The following USP40 variants were observed in gnomAD, a reference collection of about 807,000 sequenced individuals.
The protein encoded by USP40 is ubiquitin specific peptidase 40, also known as ubiquitin carboxyl-terminal hydrolase 40.
USP40 carries 143 observed loss-of-function variants against 166.2 expected under a neutral mutation model. The ratio of observed to expected loss-of-function variants is 0.86; its 90% CI spans 0.75 to 0.99. The LOEUF (loss-of-function observed/expected upper bound fraction) is 0.99. Among genes scored for constraint, USP40 ranks in the 50% least tolerant of loss-of-function variants. The pLI is 0.00. For synonymous variants in USP40, 498 were observed against 524.0 expected (o/e 0.95, Z 0.68); for missense variants, 1,444 against 1,479.7 (o/e 0.98, Z 0.40).
chr2:233,559,665 C>A, intron 4 of USP40, 146 bp downstream of exon 4: 1 of 513,678 alleles, frequency 1.9e-6, no homozygotes, highest in South Asian at 4.3e-5. Flanking sequence ...ATATTTCTGG[C>A]TTGTAATTTT....
chr2:233,531,307 T>C (rs917334859), intron 11 of USP40, among the ~76,000 whole-genome samples: 3 of 152,216 alleles, frequency 2.0e-5, no homozygotes, highest in African/African-American at 4.8e-5. Flanking sequence ...AAATTCTCCC[T>C]CAGTCTTCTC....
At chr2:233,540,836 A>G in intron 9 of USP40, 67 bp from the exon 10 acceptor site, 1 of 1,148,840 alleles carries the variant, frequency 8.7e-7, no homozygotes, top group Non-Finnish European at 1.3e-6. Flanking sequence ...AACAAATTCA[A>G]AGAGACCAAC....
chr2:233,498,234 T>TCTATAAAATTC (rs1222330144), intron 23 of USP40, among the ~76,000 whole-genome samples: 1 of 152,116 alleles, frequency 6.6e-6, no homozygotes, highest in East Asian at 1.9e-4. Context: ...TCAGAGTGTA[T>TCTATAAAATTC]CTATAAAATT....
At chr2:233,506,454 TA>T (rs1175836108) in intron 21 of USP40, among the ~76,000 whole-genome samples, 45 of 152,090 alleles carry the variant, frequency 3.0e-4, no homozygotes, top group African/African-American at 8.9e-4. Flanking sequence ...ATTTTTAAAA[TA>T]AGCTTTGGTT....
intron 3 of USP40, among the ~76,000 whole-genome samples, chr2:233,562,484 A>G (rs796417426): frequency 1.3e-5 from 2 of 149,884 alleles, no homozygotes; most frequent in African/African-American, 2.5e-5. Context: ...CAAACACCAC[A>G]TATTCTCACT....
chr2:233,485,037 G>A (rs558113269), intron 30 of USP40, among the ~76,000 whole-genome samples: 84 of 152,200 alleles, frequency 5.5e-4, no homozygotes, highest in African/African-American at 1.8e-3. Context: ...AGGTTAAGGC[G>A]TTTCCTTCTA....
chr2:233,494,979 TAC>T (rs1553558238), intron 24 of USP40, among the ~76,000 whole-genome samples: 2 of 74,920 alleles, frequency 2.7e-5, no homozygotes, highest in Non-Finnish European at 5.1e-5. Flanking sequence ...TATATATATA[TAC>T]ACACACATAA....
chr2:233,564,570 C>A (rs2071965155), intron 2 of USP40, among the ~76,000 whole-genome samples: 1 of 152,140 alleles, frequency 6.6e-6, no homozygotes, highest in Non-Finnish European at 1.5e-5. Flanking sequence ...TATATTCTTA[C>A]AATAACCCCC....
chr2:233,521,116 T>A lies in USP40; in HGVS notation c.2202-2A>T. 6.2e-7 allele frequency: 1 copy of A among 1,607,608 alleles called. No homozygotes were observed. Among genetic ancestry groups the A allele is most frequent in the Non-Finnish European group, 8.5e-7 (1 of 1,177,896 alleles). ...CATTTCTCTTCCTTGGTCAACAAGC[T>A]GTAGGTAAAAAGAAAAGATCAGAAA... On this transcript the variant is annotated splice_acceptor_variant, in intron 16 of 31. Transcript: ENST00000678225. LOFTEE classifies it high-confidence loss of function.
chr2:233,527,276 T>G, intron 13 of USP40, 131 bp downstream of exon 13: 1 of 1,033,080 alleles, frequency 9.7e-7, no homozygotes, highest in Non-Finnish European at 1.4e-6. Context: ...CAACCCTCTA[T>G]GAAGTGGCAG....
chr2:233,547,421 C>CT (rs1012993693), intron 8 of USP40, among the ~76,000 whole-genome samples: 4 of 152,124 alleles, frequency 2.6e-5, no homozygotes, highest in African/African-American at 7.2e-5. Context: ...CAGACGAACA[C>CT]TTTGAAAAGC....
intron 31 of USP40, among the ~76,000 whole-genome samples, chr2:233,478,315 C>T (rs2064315100): frequency 6.6e-6 from 1 of 152,198 alleles, no homozygotes; most frequent in Non-Finnish European, 1.5e-5. Flanking sequence ...ATGAGAGCCC[C>T]AGTGACTCTG....
intron 9 of USP40, among the ~76,000 whole-genome samples, chr2:233,541,112 G>T (rs545961335): frequency 2.9e-4 from 44 of 152,262 alleles, no homozygotes; most frequent in African/African-American, 1.1e-3. Context: ...GAAGAGATAC[G>T]TAAGTACAAA....
chr2:233,556,313 T>C (rs540065225), intron 5 of USP40, among the ~76,000 whole-genome samples: 234 of 152,182 alleles, frequency 1.5e-3, no homozygotes, highest in Non-Finnish European at 2.4e-3. Flanking sequence ...TTAGATTAAA[T>C]GGGCAATATG....
intron 9 of USP40, 133 bp downstream of exon 9, chr2:233,542,132 CCTT>C (rs2069473254): frequency 2.4e-6 from 1 of 419,322 alleles, no homozygotes; most frequent in Non-Finnish European, 4.2e-6. Context: ...CAGAGAATGT[CCTT>C]AAGGAAAGAC....
chr2:233,558,330 T>C, intron 4 of USP40, among the ~76,000 whole-genome samples: 1 of 151,262 alleles, frequency 6.6e-6, no homozygotes, highest in East Asian at 1.9e-4. Flanking sequence ...GTGAAGCTCA[T>C]TATCAAAAAC....
At chr2:233,521,773 G>T (rs2067674119) in intron 16 of USP40, among the ~76,000 whole-genome samples, 1 of 152,060 alleles carries the variant, frequency 6.6e-6, no homozygotes, top group African/African-American at 2.4e-5. Flanking sequence ...TCCATTCTGA[G>T]CTCCTACCTT....
At chr2:233,523,040 T>C in intron 16 of USP40, 130 bp downstream of exon 16, 1 of 1,068,434 alleles carries the variant, frequency 9.4e-7, no homozygotes, top group Non-Finnish European at 1.3e-6. Context: ...TATGCAATAT[T>C]TAGAACATAA....
chr2:233,510,731 C>G (rs2066768126), intron 20 of USP40, among the ~76,000 whole-genome samples: 1 of 152,020 alleles, frequency 6.6e-6, no homozygotes, highest in Admixed American at 6.6e-5. Flanking sequence ...CTACTATGAT[C>G]TCCATCTCTG....
Sources: allele counts gnomAD v4.1 joint callset (sites outside exome capture counted in the v4.1 genomes callset), GRCh38; gene constraint gnomAD v4.1.1; transcripts MANE v1.5; gene names NCBI Gene and HGNC (gene_info 2026-07-23, HGNC 2026-07-21).